The following PCDH15 variants were observed in gnomAD, a reference collection of about 807,000 sequenced individuals.
PCDH15 encodes the protein protocadherin-15.
Under a neutral mutation model 178.5 loss-of-function variants are expected in PCDH15, and 129 were observed. The ratio of observed to expected loss-of-function variants is 0.72; its 90% CI spans 0.63 to 0.84. PCDH15 has a LOEUF of 0.84. Among genes scored for constraint, PCDH15 ranks in the 40% least tolerant of loss-of-function variants. The pLI is 0.00. For missense variants in PCDH15, 2,230 were observed against 2,099.9 expected (o/e 1.06, Z -1.21); for synonymous variants, 800 against 732.0 (o/e 1.09, Z -1.50).
intron 2 of PCDH15, among the ~76,000 whole-genome samples, chr10:54,934,225 C>T (rs1416962325): frequency 6.6e-6 from 1 of 152,000 alleles, no homozygotes; most frequent in Non-Finnish European, 1.5e-5. Flanking sequence ...TTACTAAAAG[C>T]ACATAATTTA....
chr10:55,536,671 A>G (rs988031842), intron 2 of PCDH15, among the ~76,000 whole-genome samples: 6 of 152,130 alleles, frequency 3.9e-5, no homozygotes, highest in African/African-American at 1.4e-4. Flanking sequence ...GCAATACCAG[A>G]TATTTGTTTT....
intron 2 of PCDH15, among the ~76,000 whole-genome samples, chr10:55,531,718 T>C (rs755004013): frequency 2.6e-5 from 4 of 152,046 alleles, no homozygotes; most frequent in Non-Finnish European, 5.9e-5. Flanking sequence ...ACAGATGTTG[T>C]AGCCAAATTG....
intron 2 of PCDH15, among the ~76,000 whole-genome samples, chr10:55,563,677 A>C (rs1842245250): frequency 6.6e-6 from 1 of 151,848 alleles, no homozygotes; most frequent in Non-Finnish European, 1.5e-5. Flanking sequence ...GATCTACTAC[A>C]TAAATACTTT....
At chr10:55,244,847 G>GAA (rs1332314843) in intron 1 of PCDH15, among the ~76,000 whole-genome samples, 1 of 151,286 alleles carries the variant, frequency 6.6e-6, no homozygotes, top group Admixed American at 6.6e-5. Context: ...AAAGTCTGAA[G>GAA]AAAGTTAAAT....
intron 5 of PCDH15, among the ~76,000 whole-genome samples, chr10:54,347,647 G>A (rs1003269090): frequency 8.6e-5 from 13 of 151,932 alleles, no homozygotes; most frequent in African/African-American, 3.1e-4. Context: ...AATGAGTGAA[G>A]CAAGCATGAT....
At chr10:54,170,376 T>C (rs562977464) in intron 13 of PCDH15, among the ~76,000 whole-genome samples, 1 of 152,084 alleles carries the variant, frequency 6.6e-6, no homozygotes, top group East Asian at 1.9e-4. Context: ...GACCTTACTG[T>C]TTTAGTCTAG....
chr10:53,849,793 G>A (rs2078226002), intron 28 of PCDH15, among the ~76,000 whole-genome samples: 2 of 147,546 alleles, frequency 1.4e-5, no homozygotes, highest in South Asian at 2.1e-4. Context: ...CCCGGGAGAC[G>A]GAGCTTGCAG....
intron 6 of PCDH15, among the ~76,000 whole-genome samples, chr10:54,339,157 G>A (rs962877554): frequency 1.3e-5 from 2 of 152,236 alleles, no homozygotes; most frequent in East Asian, 3.9e-4. Context: ...ACATGTAAAT[G>A]TCCTTAAAAC....
intron 1 of PCDH15, among the ~76,000 whole-genome samples, chr10:54,717,880 A>C (rs9971168): frequency 7.1e-6 from 1 of 141,372 alleles, no homozygotes; most frequent in African/African-American, 2.7e-5. Context: ...AACAATGATA[A>C]ACTGGATTAA....
chr10:55,129,848 A>G (rs1017381149), intron 2 of PCDH15, among the ~76,000 whole-genome samples: 1 of 152,152 alleles, frequency 6.6e-6, no homozygotes, highest in African/African-American at 2.4e-5. Context: ...GTTTATTTAT[A>G]TATCAGTTGA....
intron 8 of PCDH15, among the ~76,000 whole-genome samples, chr10:54,296,144 C>CAAAAAAAAAAAAAAAAAAAAAAA (rs59721161): frequency 1.2e-4 from 6 of 48,218 alleles, no homozygotes; most frequent in East Asian, 8.4e-4. Context: ...GACTCCGTCT[C>CAAAAAAAAAAAAAAAAAAAAAAA]AAAAAAAAAA....
intron 2 of PCDH15, among the ~76,000 whole-genome samples, chr10:55,466,505 A>G (rs1347771319): frequency 6.6e-6 from 1 of 152,216 alleles, no homozygotes; most frequent in African/African-American, 2.4e-5. Context: ...TTTTATAAAA[A>G]CATATGAAGT....
chr10:54,229,517 A>G (rs1328852988), intron 9 of PCDH15, among the ~76,000 whole-genome samples: 1 of 152,144 alleles, frequency 6.6e-6, no homozygotes. Flanking sequence ...TAACTCCCAC[A>G]GTTTCTGAAT....
chr10:54,106,839 T>C (rs1316694416), intron 15 of PCDH15, among the ~76,000 whole-genome samples: 1 of 152,162 alleles, frequency 6.6e-6, no homozygotes, highest in African/African-American at 2.4e-5. Flanking sequence ...TACACAAAAA[T>C]ACATGTTATA....
At chr10:54,949,932 AGC>A (rs1349973253) in intron 2 of PCDH15, among the ~76,000 whole-genome samples, 1 of 152,012 alleles carries the variant, frequency 6.6e-6, no homozygotes, top group Admixed American at 6.6e-5. Flanking sequence ...TTTTGGTCAA[AGC>A]CATTCAACAA....
chr10:55,110,416 T>C (rs1484177288), intron 2 of PCDH15, among the ~76,000 whole-genome samples: 1 of 152,070 alleles, frequency 6.6e-6, no homozygotes, highest in Admixed American at 6.6e-5. Context: ...TGTAGTCGTT[T>C]AAAAAGCCGC....
chr10:55,024,283 G>C (rs1011020884), intron 2 of PCDH15, among the ~76,000 whole-genome samples: 6 of 142,796 alleles, frequency 4.2e-5, no homozygotes. Context: ...ATAGGAAGGA[G>C]TATATATATA....
At chr10:54,540,459 G>A (rs2085082528) in intron 2 of PCDH15, among the ~76,000 whole-genome samples, 1 of 152,110 alleles carries the variant, frequency 6.6e-6, no homozygotes, top group East Asian at 1.9e-4. Context: ...ATTTAATCAG[G>A]AAGAAATTAA....
chr10:54,137,760 A>C (rs2043024549), intron 14 of PCDH15, among the ~76,000 whole-genome samples: 1 of 152,168 alleles, frequency 6.6e-6, no homozygotes, highest in South Asian at 2.1e-4. Context: ...CCAGATTAAA[A>C]TCTTCTTCTT....
Sources: gnomAD v4.1 joint callset for allele counts (sites outside exome capture counted in the v4.1 genomes callset) on GRCh38, gnomAD v4.1.1 for gene constraint, MANE v1.5 for transcripts, NCBI Gene and HGNC (gene_info 2026-07-23, HGNC 2026-07-21) for gene names.